The following VOPP1 variants were observed in gnomAD, a reference collection of about 807,000 sequenced individuals.
VOPP1 encodes the protein WW domain binding protein VOPP1.
Under a neutral mutation model 23.5 loss-of-function variants are expected in VOPP1, and 8 were observed. The ratio of observed to expected loss-of-function variants is 0.34; its 90% CI spans 0.20 to 0.61. The LOEUF (loss-of-function observed/expected upper bound fraction) is 0.61. VOPP1 is among the 20% of genes least tolerant of loss of function. VOPP1 has a pLI of 0.78. For synonymous variants in VOPP1, 83 were observed against 97.3 expected (o/e 0.85, Z 0.86); for missense variants, 174 against 238.1 (o/e 0.73, Z 1.77).
intron 1 of VOPP1, among the ~76,000 whole-genome samples, chr7:55,540,754 C>T (rs1012779738): frequency 2.6e-5 from 4 of 152,184 alleles, no homozygotes; most frequent in South Asian, 4.1e-4. Flanking sequence ...GCGGCCTCAA[C>T]GCAGGGAATT....
chr7:55,438,204 A>G (rs934877078), intron 4 of VOPP1, among the ~76,000 whole-genome samples: 1 of 151,736 alleles, frequency 6.6e-6, no homozygotes, highest in Non-Finnish European at 1.5e-5. Flanking sequence ...CCTTCTTTGT[A>G]TTTCTTGGTT....
intron 3 of VOPP1, among the ~76,000 whole-genome samples, chr7:55,495,060 C>A (rs1055813864): frequency 2.0e-5 from 3 of 152,042 alleles, no homozygotes; most frequent in Non-Finnish European, 4.4e-5. Flanking sequence ...GACCCCCCAG[C>A]CCCGAGTGTA....
At chr7:55,478,607 G>T (rs1792453212) in intron 4 of VOPP1, among the ~76,000 whole-genome samples, 1 of 152,210 alleles carries the variant, frequency 6.6e-6, no homozygotes, top group Non-Finnish European at 1.5e-5. Flanking sequence ...GAAAGACCAA[G>T]ATAAATGAGA....
chr7:55,525,604 C>A (rs890886145), intron 1 of VOPP1, among the ~76,000 whole-genome samples: 1 of 152,016 alleles, frequency 6.6e-6, no homozygotes, highest in Non-Finnish European at 1.5e-5. Context: ...CCAGCTAGCA[C>A]CTCTGTCCCT....
intron 2 of VOPP1, among the ~76,000 whole-genome samples, chr7:55,504,322 G>A (rs1395543913): frequency 6.6e-6 from 1 of 152,250 alleles, no homozygotes; most frequent in Admixed American, 6.5e-5. Flanking sequence ...GAAGCAGGAA[G>A]TACATTCAGG....
intron 4 of VOPP1, among the ~76,000 whole-genome samples, chr7:55,461,396 A>AT (rs1467164503): frequency 6.6e-6 from 1 of 152,166 alleles, no homozygotes; most frequent in Non-Finnish European, 1.5e-5. Flanking sequence ...ATTTAAAAAA[A>AT]AATGGATTCA....
intron 2 of VOPP1, among the ~76,000 whole-genome samples, chr7:55,514,087 C>T (rs1322015393): frequency 1.3e-5 from 2 of 152,184 alleles, no homozygotes; most frequent in African/African-American, 4.8e-5. Flanking sequence ...CCCTTTCTCA[C>T]ATCATCATGT....
chr7:55,475,997 A>G (rs969393927), intron 4 of VOPP1, among the ~76,000 whole-genome samples: 1 of 152,172 alleles, frequency 6.6e-6, no homozygotes, highest in African/African-American at 2.4e-5. Flanking sequence ...TCTCCCTATG[A>G]TGACAGGCGT....
intron 4 of VOPP1, among the ~76,000 whole-genome samples, chr7:55,461,382 A>G (rs111773756): frequency 0.012 from 1,827 of 152,232 alleles, 12 homozygotes; most frequent in Admixed American, 0.021. Flanking sequence ...AATAACCTAC[A>G]GAAATTTAAA....
chr7:55,537,672 T>C (rs1408111812), intron 1 of VOPP1: 1 of 1,486,744 alleles, frequency 6.7e-7, no homozygotes, highest in African/African-American at 1.4e-5. Flanking sequence ...AGTATCCTCC[T>C]CTGTTGAGTG....
At chr7:55,489,626 G>A (rs1793416736) in intron 4 of VOPP1, among the ~76,000 whole-genome samples, 1 of 152,204 alleles carries the variant, frequency 6.6e-6, no homozygotes, top group South Asian at 2.1e-4. Flanking sequence ...GCTCCTGCAG[G>A]CGCCTCAGCA....
chr7:55,570,424 A>T (rs533290302), intron 1 of VOPP1, among the ~76,000 whole-genome samples: 1 of 152,166 alleles, frequency 6.6e-6, no homozygotes, highest in African/African-American at 2.4e-5. Flanking sequence ...TTTACATCAC[A>T]CTTCTGCCTT....
chr7:55,458,017 GA>G (rs1217581611), intron 4 of VOPP1, among the ~76,000 whole-genome samples: 1 of 152,068 alleles, frequency 6.6e-6, no homozygotes, highest in Non-Finnish European at 1.5e-5. Flanking sequence ...CCTATGTCCT[GA>G]AACATTTCCC....
chr7:55,537,597 G>A, intron 1 of VOPP1: 2 of 1,535,822 alleles, frequency 1.3e-6, no homozygotes, highest in Non-Finnish European at 8.7e-7. Context: ...TGTCACTGCT[G>A]GGTCACACGC....
intron 2 of VOPP1, among the ~76,000 whole-genome samples, chr7:55,510,443 T>C (rs749180649): frequency 2.0e-5 from 3 of 152,180 alleles, no homozygotes; most frequent in Non-Finnish European, 4.4e-5. Flanking sequence ...ATAAAACTTA[T>C]TTAATCCTAA....
At chr7:55,569,511 C>T (rs1433104122) in intron 1 of VOPP1, among the ~76,000 whole-genome samples, 1 of 152,180 alleles carries the variant, frequency 6.6e-6, no homozygotes, top group African/African-American at 2.4e-5. Flanking sequence ...GGGGTACACA[C>T]TGGAACCAGA....
At chr7:55,455,897 A>G (rs962752613) in intron 4 of VOPP1, among the ~76,000 whole-genome samples, 2 of 152,230 alleles carry the variant, frequency 1.3e-5, no homozygotes. Flanking sequence ...GCATGGGCAA[A>G]GACTTCATGA....
At chr7:55,480,784 T>C (rs1792646315) in intron 4 of VOPP1, among the ~76,000 whole-genome samples, 2 of 152,254 alleles carry the variant, frequency 1.3e-5, no homozygotes, top group Non-Finnish European at 2.9e-5. Flanking sequence ...CACTGATGCC[T>C]ATGTCCATTT....
intron 1 of VOPP1, among the ~76,000 whole-genome samples, chr7:55,545,732 T>C (rs1453338159): frequency 6.6e-6 from 1 of 152,108 alleles, no homozygotes; most frequent in Non-Finnish European, 1.5e-5. Flanking sequence ...GCAAGCCCCA[T>C]GGAAGCTCAC....
Sources: gnomAD v4.1 joint callset for allele counts (sites outside exome capture counted in the v4.1 genomes callset) on GRCh38, gnomAD v4.1.1 for gene constraint, MANE v1.5 for transcripts, NCBI Gene and HGNC (gene_info 2026-07-23, HGNC 2026-07-21) for gene names.